NT5DC2: variants seen among roughly 807,000 people sequenced by gnomAD.
NT5DC2 encodes the protein 5'-nucleotidase domain containing 2, also known as 5'-nucleotidase domain-containing protein 2.
Under a neutral mutation model 70.0 loss-of-function variants are expected in NT5DC2, and 41 were observed. The observed-to-expected ratio is 0.59, with a 90% confidence interval of 0.46 to 0.76. The LOEUF is 0.76. Ranked by LOEUF, NT5DC2 falls within the 30% of genes least tolerant of loss-of-function variation. NT5DC2 has a pLI of 0.00. For missense variants in NT5DC2, 705 were observed against 783.2 expected (o/e 0.90, Z 1.19); for synonymous variants, 299 against 310.4 (o/e 0.96, Z 0.39).
intron 10 of NT5DC2, chr3:52,525,976 A>G (rs767484011): frequency 3.9e-5 from 6 of 152,446 alleles, no homozygotes; most frequent in African/African-American, 1.2e-4. Flanking sequence ...ACTAAGTTCA[A>G]GTGGAGGGGC....
chr3:52,529,028 C>T lies in NT5DC2; in HGVS notation c.418-93G>A. 1.9e-6 allele frequency: 3 copies of T among 1,586,744 alleles called. No homozygotes were observed. In the South Asian group the frequency reaches 3.3e-5, roughly 18 times the overall value. ...CAGGGGGTCAATCCAGCCACCTGCC[C>T]AGGGCAGCTGCCAGGCAAGAGGGCC... On this transcript the variant is annotated intron_variant, in intron 2 of 13. Coordinates refer to ENST00000422318, the MANE Select transcript of NT5DC2 (RefSeq NM_001134231.2). This position sits in a 1 kb window ranked among gnomAD's most constrained non-coding sequence, Gnocchi z 4.1.
chr3:52,524,917 C>T lies in NT5DC2; in HGVS notation c.1348-36G>A, dbSNP rs1442735180. 4 of 1,611,782 alleles carry T rather than the reference C, an allele frequency of 2.5e-6. No homozygotes were observed. In the African/African-American group the frequency reaches 5.3e-5, roughly 22 times the overall value. On this transcript the variant is annotated intron_variant, in intron 12 of 13. Coordinates refer to ENST00000422318, the MANE Select transcript of NT5DC2 (RefSeq NM_001134231.2). ...AAAGTGTGCATTGGGTGTGTGCACC[C>T]AGGAGGCTACCGCCCTGGCCCTCCC...
chr3:52,524,634 C>CAGAGA lies in NT5DC2; in HGVS notation c.1505_1509dup (p.Asp504SerfsTer44). ...CAGCTGAGGGAGGCCATGTAGAGGT[C>CAGAGA]AGAGAAGCGCACGAGGCGCCTTGAG... On this transcript the variant is annotated frameshift_variant, in exon 14 of 14. Transcript: ENST00000422318. LOFTEE classifies it high-confidence loss of function. The CAGAGA allele has an allele frequency of 6.2e-7, 1 of 1,613,112 alleles. No individual in the cohort carries two copies. The highest frequency in any genetic ancestry group is 8.5e-7 in the Non-Finnish European group (1 of 1,180,038).
At position 52,527,310 on chromosome 3, in the gene NT5DC2, C is replaced by G. The variant is rs771816964; in HGVS notation, c.1103G>C (p.Gly368Ala). ...QWDRITRLEKGKIYRQGNLFD... is the reference protein window; with the variant it reads ...QWDRITRLEKAKIYRQGNLFD... ...GGCCCTTACCTGCCGATAGATCTTG[C>G]CCTTTTCCAAGCGGGTGATCCGGTC... is the stretch of plus-strand genomic sequence containing the variant. Residue 368 changes from glycine to alanine, a missense_variant, in exon 10 of 14, where the codon GGC (glycine) becomes GCC (alanine). Physicochemically the swap from Gly to Ala is moderately conservative, Grantham distance 60. Coordinates refer to ENST00000422318, the MANE Select transcript of NT5DC2 (RefSeq NM_001134231.2). 1.2e-6 allele frequency: 2 copies of G among 1,614,130 alleles called. No homozygotes were observed. The highest frequency in any genetic ancestry group is 2.2e-5 in the South Asian group (2 of 91,084).
Position 52,533,640 on chromosome 3 carries a change from C to T in NT5DC2, c.98G>A (p.Gly33Glu). The change falls in exon 1 of 14, where the codon GGG (glycine) becomes GAG (glutamate). Residue 33 changes from glycine (G) to glutamate (E), a missense_variant. Coordinates refer to ENST00000422318, the MANE Select transcript of NT5DC2 (RefSeq NM_001134231.2). Reference protein sequence around the residue: ...RAASSSPSCPGCGPPGPGAHC... With the variant: ...RAASSSPSCPECGPPGPGAHC... ...GGCGCCGGGACCCGGGGGGCCGCAC[C>T]CAGGGCAGGAGGGCGAGGACGAGGC... 8.3e-7 allele frequency: 1 copy of T among 1,207,838 alleles called. No homozygotes were observed. Among genetic ancestry groups the T allele is most frequent in the Non-Finnish European group, 1.0e-6 (1 of 973,196 alleles). 74.8% of individuals were successfully genotyped at this position (1,207,838 alleles called of 1,614,324 possible). A position where few individuals can be genotyped will look rare whatever the true frequency, so the allele number is the denominator to read the frequency against.
upstream of NT5DC2, chr3:52,534,973 C>A (rs867612259): frequency 9.8e-5 from 32 of 327,844 alleles, no homozygotes; most frequent in African/African-American, 5.2e-4. Flanking sequence ...CACAAGTGAA[C>A]CTCCTCCAGG....
At position 52,524,975 on chromosome 3, in the gene NT5DC2, C is replaced by T. The variant is rs1302655276; in HGVS notation, c.1335G>A (p.Leu445=). The T allele has an allele frequency of 8.1e-6, 13 of 1,611,712 alleles. No individual in the cohort carries two copies. Among genetic ancestry groups the T allele is most frequent in the Non-Finnish European group, 1.0e-5 (12 of 1,179,652 alleles). The change falls in exon 12 of 14, where the codon CTG becomes CTA. Residue 445 remains leucine (L), a synonymous_variant. Coordinates refer to ENST00000422318, the MANE Select transcript of NT5DC2 (RefSeq NM_001134231.2). The part of the protein sequence containing the change: ...LTWQQALTGL[L]ERMQTYQDAE... ...CCCCGGCCCACACCTGCATGCGCTCCAGCAGCCCCGTGAGCGCCTGCTGCC... is the reference window on the plus strand; with the variant it reads ...CCCCGGCCCACACCTGCATGCGCTCTAGCAGCCCCGTGAGCGCCTGCTGCC...
upstream of NT5DC2, chr3:52,534,240 T>C (rs1025249965): frequency 2.8e-5 from 14 of 496,136 alleles, no homozygotes; most frequent in African/African-American, 2.1e-4. Context: ...TGACCCCAGA[T>C]CCTCCGCTCC....
Position 52,527,831 on chromosome 3 carries a change from G to C in NT5DC2, c.933C>G (p.Phe311Leu). Residue 311 changes from phenylalanine to leucine, a missense_variant and splice_region_variant, in exon 8 of 14, where the codon TTC (phenylalanine) becomes TTG (leucine). By Grantham distance (22) the Phe-to-Leu change is conservative. Coordinates refer to ENST00000422318, the MANE Select transcript of NT5DC2 (RefSeq NM_001134231.2). ...LFLITNSPFS[F>L]VDKGMRHMVG... ...CCATCCACAGGGGCTGGACTCACAC[G>C]AAGCTGAAAGGACTGTTGGTGATGA... 6.2e-7 allele frequency: 1 copy of C among 1,613,284 alleles called. No individual in the cohort carries two copies.
rs2079335211 is a variant in NT5DC2 at position 52,529,773 on chromosome 3, C to G, written c.233-439G>C. 1 of 204,064 alleles carries G rather than the reference C, an allele frequency of 4.9e-6. No individual in the cohort carries two copies. The highest frequency in any genetic ancestry group is 5.1e-5 in the Admixed American group (1 of 19,580). 12.6% of individuals were successfully genotyped at this position (204,064 alleles called of 1,614,324 possible). A position where few individuals can be genotyped will look rare whatever the true frequency, so the allele number is the denominator to read the frequency against. On this transcript the variant is annotated intron_variant, in intron 1 of 13. Transcript: ENST00000422318. This position sits in a 1 kb window ranked among gnomAD's most constrained non-coding sequence, Gnocchi z 4.1. The stretch of plus-strand genomic sequence containing the variant: ...GCCTCCCACTTGCTCAAAACCCGTG[C>G]AGGAACACCACTGTCTGGCCCCCCA...
Position 52,529,062 on chromosome 3 carries a change from CCCA to C in NT5DC2, c.417+85_417+87del. On this transcript the variant is annotated intron_variant, in intron 2 of 13. Transcript: ENST00000422318. The surrounding 1 kb of genome is among the most constrained non-coding windows in gnomAD (Gnocchi z 4.1). Reference sequence around the variant, plus strand: ...TGCCAGGCAAGAGGGCCAGGGGAGCCCCACGACTCAGCCCTGAGCTTAGGCCAA... The same window carrying C: ...TGCCAGGCAAGAGGGCCAGGGGAGCCCGACTCAGCCCTGAGCTTAGGCCAA... 2.5e-6 allele frequency: 4 copies of C among 1,592,138 alleles called. No homozygotes were observed. Among genetic ancestry groups the C allele is most frequent in the Non-Finnish European group, 3.4e-6 (4 of 1,162,688 alleles).
rs747318346 is a variant in NT5DC2, at chr3:52,525,085, C to T, written c.1225G>A (p.Gly409Ser). ...SDLADLMLRH[G>S]WRTGAIIPEL... ...GGGATGATGGCGCCTGTGCGCCAGCCGTGCCGCAGCATGAGATCCTGGTGG... is the reference window on the plus strand; with the variant it reads ...GGGATGATGGCGCCTGTGCGCCAGCTGTGCCGCAGCATGAGATCCTGGTGG... Residue 409 changes from glycine to serine, a missense_variant, in exon 12 of 14, where the codon GGC becomes AGC. Coordinates refer to ENST00000422318, the MANE Select transcript of NT5DC2 (RefSeq NM_001134231.2). The T allele has an allele frequency of 3.4e-5, 53 of 1,581,146 alleles. No individual in the cohort carries two copies. The Admixed American group carries it at 7.9e-4, about 23-fold the overall frequency.
intron 1 of NT5DC2, 125 bp downstream of exon 1, chr3:52,533,381 T>G (rs1448404148): frequency 5.6e-6 from 6 of 1,065,678 alleles, no homozygotes; most frequent in Non-Finnish European, 7.6e-6. Flanking sequence ...GCCCGGCCCT[T>G]GCGCTCCGGG....
rs549571179 is a variant in NT5DC2 at position 52,527,777 on chromosome 3, C to G, written c.935+52G>C. ...GAGGGCGGCTCCGTGCCTGCCCTCC[C>G]CACCCAGAGCCCTGGCCCTGCTGTC... On this transcript the variant is annotated intron_variant, in intron 8 of 13. Coordinates refer to ENST00000422318, the MANE Select transcript of NT5DC2 (RefSeq NM_001134231.2). The G allele has an allele frequency of 4.4e-6, 7 of 1,608,992 alleles. No homozygotes were observed. In the East Asian group the frequency reaches 1.6e-4, roughly 36 times the overall value.
chr3:52,532,449 G>A, intron 1 of NT5DC2: 1 of 985,440 alleles, frequency 1.0e-6, no homozygotes, highest in African/African-American at 1.7e-5. Flanking sequence ...CCATTCCTCA[G>A]GGGCCTTTAC....
At position 52,529,667 on chromosome 3, in the gene NT5DC2, G is replaced by A. The variant is rs566981569; in HGVS notation, c.233-333C>T. 4.6e-5 allele frequency among the ~76,000 whole-genome samples: 7 copies of A among 152,252 alleles called. No individual in the cohort carries two copies. Among genetic ancestry groups the A allele is most frequent in the African/African-American group, 1.7e-4 (7 of 41,526 alleles). On this transcript the variant is annotated intron_variant, in intron 1 of 13. Coordinates refer to ENST00000422318, the MANE Select transcript of NT5DC2 (RefSeq NM_001134231.2). The surrounding 1 kb of genome is among the most constrained non-coding windows in gnomAD (Gnocchi z 4.1). ...TAAGCCCCATCAGACACAAGGCCATGCTAGAACCCTGGCAGCAGTCACTCA... is the reference window on the plus strand; with the variant it reads ...TAAGCCCCATCAGACACAAGGCCATACTAGAACCCTGGCAGCAGTCACTCA...
At position 52,529,362 on chromosome 3, in the gene NT5DC2, T is replaced by G; in HGVS notation, c.233-28A>C. The G allele has an allele frequency of 6.2e-7, 1 of 1,602,046 alleles. No homozygotes were observed. Among genetic ancestry groups the G allele is most frequent in the Non-Finnish European group, 8.5e-7 (1 of 1,172,198 alleles). On this transcript the variant is annotated intron_variant, in intron 1 of 13. Transcript: ENST00000422318. This position sits in a 1 kb window ranked among gnomAD's most constrained non-coding sequence, Gnocchi z 4.1. ...AGAGGAAGGAGATGCAGGGAGGCAG[T>G]GATGGGGATGATGATCCCTGCAGCA...
At chr3:52,533,995 C>G (rs928742172), upstream of NT5DC2, 62 of 291,570 alleles carry the variant, frequency 2.1e-4, no homozygotes, top group African/African-American at 1.4e-3. Flanking sequence ...CGGCGCGGTC[C>G]GGGAGGACTC....
chr3:52,529,418 T>C lies in NT5DC2; in HGVS notation c.233-84A>G, dbSNP rs2079330350. 5.2e-6 allele frequency: 7 copies of C among 1,356,432 alleles called. No homozygotes were observed. The highest frequency in any genetic ancestry group is 1.3e-5 in the South Asian group (1 of 79,488). 84.0% of individuals were successfully genotyped at this position (1,356,432 alleles called of 1,614,324 possible). ...GGCTCCTGAGCACTCTGTGGGGACC[T>C]AGCCCTGTGAGCCTCAGAAACGCCC... is the stretch of plus-strand genomic sequence containing the variant. On this transcript the variant is annotated intron_variant, in intron 1 of 13. Transcript: ENST00000422318. This position sits in a 1 kb window ranked among gnomAD's most constrained non-coding sequence, Gnocchi z 4.1.
Sources: allele counts gnomAD v4.1 joint callset (sites outside exome capture counted in the v4.1 genomes callset), GRCh38; gene constraint gnomAD v4.1.1; non-coding constraint Gnocchi (gnomAD v3.1); transcripts MANE v1.5; gene names NCBI Gene and HGNC (gene_info 2026-07-23, HGNC 2026-07-21).